Variants in PRIM2 observed in about 807,000 individuals in gnomAD.
PRIM2 encodes DNA primase subunit 2.
A neutral mutation model predicts 67.3 loss-of-function variants in PRIM2; 39 were observed. The ratio of observed to expected loss-of-function variants is 0.58; its 90% CI spans 0.45 to 0.76. The LOEUF is 0.76. Ranked by LOEUF, PRIM2 falls within the 30% of genes least tolerant of loss-of-function variation. The pLI is 0.00. For missense variants in PRIM2, 398 were observed against 598.7 expected, an observed-to-expected ratio of 0.66 and a Z score of 3.50; for synonymous variants, 143 against 198.7, an observed-to-expected ratio of 0.72 and a Z score of 2.36.
chr6:57,570,281 A>G (rs1471956199), intron 10 of PRIM2, among the ~76,000 whole-genome samples: 16 of 152,214 alleles, frequency 1.1e-4, no homozygotes, highest in Admixed American at 1.0e-3. Flanking sequence ...ATAGGTCTAT[A>G]ATGAAAGCCA....
the PRIM2 span, among the ~76,000 whole-genome samples, chr6:57,283,254 G>C: frequency 6.6e-6 from 1 of 152,192 alleles, no homozygotes; most frequent in African/African-American, 2.4e-5. Flanking sequence ...TGTTGGGAGT[G>C]GCCTTTCTTC....
chr6:57,550,191 T>C (rs1775372552), intron 10 of PRIM2, among the ~76,000 whole-genome samples: 1 of 152,198 alleles, frequency 6.6e-6, no homozygotes, highest in African/African-American at 2.4e-5. Context: ...AGCTACAAAG[T>C]CATCTAAAAC....
At chr6:57,378,526 T>C (rs1351342605) in intron 5 of PRIM2, among the ~76,000 whole-genome samples, 1 of 152,220 alleles carries the variant, frequency 6.6e-6, no homozygotes, top group Non-Finnish European at 1.5e-5. Context: ...TTCTATACCT[T>C]GTTATAAAAT....
At chr6:57,463,756 C>T (rs1266484556) in intron 7 of PRIM2, among the ~76,000 whole-genome samples, 1,540 of 152,214 alleles carry the variant, frequency 0.01, 28 homozygotes, top group African/African-American at 0.034. Flanking sequence ...AGCTATATTC[C>T]TCACACAGAG....
chr6:57,387,920 A>G (rs1770203666), intron 7 of PRIM2, among the ~76,000 whole-genome samples: 1 of 151,814 alleles, frequency 6.6e-6, no homozygotes, highest in African/African-American at 2.4e-5. Context: ...CAATAACAAT[A>G]TTGTAAATGA....
intron 5 of PRIM2, among the ~76,000 whole-genome samples, chr6:57,364,216 G>A (rs1257721866): frequency 6.6e-6 from 1 of 151,910 alleles, no homozygotes; most frequent in Non-Finnish European, 1.5e-5. Context: ...AATCTGTGTG[G>A]TCTGTTCCTG....
intron 13 of PRIM2, among the ~76,000 whole-genome samples, chr6:57,641,377 A>G (rs1168748897): frequency 1.3e-5 from 2 of 152,242 alleles, no homozygotes; most frequent in Non-Finnish European, 1.5e-5. Flanking sequence ...ACAAAAGCCA[A>G]AATTGATAAA....
At chr6:57,538,263 G>A (rs1775041297) in intron 10 of PRIM2, among the ~76,000 whole-genome samples, 1 of 152,120 alleles carries the variant, frequency 6.6e-6, no homozygotes, top group Non-Finnish European at 1.5e-5. Flanking sequence ...GGCTCAAGCT[G>A]TTCTCCTGCC....
At chr6:57,474,973 C>G (rs1241663404) in intron 7 of PRIM2, among the ~76,000 whole-genome samples, 4 of 152,072 alleles carry the variant, frequency 2.6e-5, no homozygotes, top group Non-Finnish European at 5.9e-5. Context: ...TTCTTTCCTC[C>G]CAATATTGAG....
Position 57,361,881 on chromosome 6 carries a change from G to T in PRIM2, c.460-18020G>T, listed in dbSNP as rs145185824. 5.8e-4 allele frequency among the ~76,000 whole-genome samples: 88 copies of T among 151,658 alleles called. 1 individual carries two copies. In the East Asian group the frequency reaches 0.016, roughly 27 times the overall value. Reference sequence around the variant, plus strand: ...ATCTGGTGTCAGAATATTTAATATGGTCTACAAGGGTTATAGGGGGAAAAA... The same window carrying T: ...ATCTGGTGTCAGAATATTTAATATGTTCTACAAGGGTTATAGGGGGAAAAA... On this transcript the variant is annotated intron_variant, in intron 5 of 13. Transcript: ENST00000615550.
chr6:57,589,381 C>A lies in PRIM2; in HGVS notation c.1021-11712C>A, dbSNP rs1346446816. On this transcript the variant is annotated intron_variant, in intron 10 of 13. Transcript: ENST00000615550. ...TCTGAAGGAGATGGAGGCCAGTGAA[C>A]CTTTTGGTTACAGGGAGGTGAGGGA... 1.6e-4 allele frequency among the ~76,000 whole-genome samples: 24 copies of A among 151,976 alleles called. No individual in the cohort carries two copies. The South Asian group carries it at 4.4e-3, about 28-fold the overall frequency.
the PRIM2 span, among the ~76,000 whole-genome samples, chr6:57,277,838 G>A: frequency 1.3e-5 from 2 of 151,856 alleles, no homozygotes; most frequent in Non-Finnish European, 2.9e-5. Context: ...ACAAAAATTA[G>A]CCAGGTGTGG....
At chr6:57,442,244 TC>T (rs1772222926) in intron 7 of PRIM2, among the ~76,000 whole-genome samples, 1 of 152,190 alleles carries the variant, frequency 6.6e-6, no homozygotes, top group Admixed American at 6.5e-5. Context: ...CCTCTGTTTG[TC>T]CCACAACTGA....
At chr6:57,345,064 C>T (rs1768623756) in intron 5 of PRIM2, among the ~76,000 whole-genome samples, 1 of 72,388 alleles carries the variant, frequency 1.4e-5, no homozygotes, top group African/African-American at 8.1e-5. Context: ...AACTTTTGCC[C>T]TTGAAAAAAA....
At chr6:57,535,757 C>T (rs1774989257) in intron 9 of PRIM2, among the ~76,000 whole-genome samples, 1 of 151,908 alleles carries the variant, frequency 6.6e-6, no homozygotes, top group Non-Finnish European at 1.5e-5. Flanking sequence ...CCCTGCTACT[C>T]AGGAGGCTGA....
At chr6:57,537,820 G>A (rs1775031043) in intron 10 of PRIM2, among the ~76,000 whole-genome samples, 195 bp downstream of exon 10, 1 of 152,062 alleles carries the variant, frequency 6.6e-6, no homozygotes, top group Admixed American at 6.5e-5. Context: ...GGGAAGGAAT[G>A]TTTTCATTTG....
At chr6:57,326,233 A>G (rs1767850096) in intron 5 of PRIM2, 188 bp downstream of exon 5, 2 of 514,274 alleles carry the variant, frequency 3.9e-6, no homozygotes, top group Non-Finnish European at 6.6e-6. Context: ...AGGACTCCTT[A>G]ATAACAAAGT....
At chr6:57,273,389 A>G in the PRIM2 span, among the ~76,000 whole-genome samples, 1 of 152,128 alleles carries the variant, frequency 6.6e-6, no homozygotes, top group Admixed American at 6.6e-5. Flanking sequence ...ATCTTCCATG[A>G]CTGATAGCCT....
chr6:57,401,277 G>T (rs769898908), intron 7 of PRIM2, among the ~76,000 whole-genome samples: 4 of 100,436 alleles, frequency 4.0e-5, no homozygotes, highest in Non-Finnish European at 8.6e-5. Flanking sequence ...AGTCTATTGA[G>T]AAGTCAATAG....
Sources: allele counts gnomAD v4.1 joint callset (sites outside exome capture counted in the v4.1 genomes callset), GRCh38; gene constraint gnomAD v4.1.1; transcripts MANE v1.5; gene names NCBI Gene and HGNC (gene_info 2026-07-23, HGNC 2026-07-21).